IPO5: variants seen among roughly 807,000 people sequenced by gnomAD.
IPO5 encodes importin-5.
A neutral mutation model predicts 143.3 loss-of-function variants in IPO5; 18 were observed. The observed-to-expected ratio is 0.13, with a 90% CI of 0.09 to 0.19. The LOEUF (loss-of-function observed/expected upper bound fraction) is 0.19, where lower values mean the gene tolerates loss of function less well. Ranked by LOEUF, IPO5 falls within the 10% of genes least tolerant of loss-of-function variation. The pLI, the probability that IPO5 is intolerant of heterozygous loss-of-function variation, is 1.00. For synonymous variants in IPO5, 477 were observed against 465.7 expected (o/e 1.02, Z -0.31); for missense variants, 1,013 against 1,336.9 (o/e 0.76, Z 3.78).
At chr13:97,999,071 A>G (rs1411484231) in intron 12 of IPO5, among the ~76,000 whole-genome samples, 4 of 152,118 alleles carry the variant, frequency 2.6e-5, no homozygotes, top group Non-Finnish European at 4.4e-5. Context: ...TGAACCTGGG[A>G]GGTGGAGGTT....
At chr13:97,980,574 A>G (rs1361154908) in intron 4 of IPO5, among the ~76,000 whole-genome samples, 1 of 152,168 alleles carries the variant, frequency 6.6e-6, no homozygotes, top group African/African-American at 2.4e-5. Context: ...TCATGACTGT[A>G]ATCCCAGCAC....
In IPO5 at chr13:98,018,485, T is replaced by C; in HGVS notation, c.2617T>C (p.Cys873Arg). Residue 873 changes from cysteine to arginine, a missense_variant and splice_region_variant, in exon 26 of 29, where the codon TGT becomes CGT. Around this residue, in one of 2 missense-constraint regions of IPO5, gnomAD observed 685 missense variants for 994.9 expected, o/e 0.69. Transcript: ENST00000651721. Reference protein sequence around the residue: ...QLLPLIVNLICPHRPWPDRQW... With the variant: ...QLLPLIVNLIRPHRPWPDRQW... Reference sequence around the variant, plus strand: ...GCTTAAAAGAGAATTTCTTTTGTAGTGTCCACATAGACCATGGCCAGACAG... The same window carrying C: ...GCTTAAAAGAGAATTTCTTTTGTAGCGTCCACATAGACCATGGCCAGACAG... 6.2e-7 allele frequency: 1 copy of C among 1,608,878 alleles called. No individual in the cohort carries two copies. Among genetic ancestry groups the C allele is most frequent in the East Asian group, 2.2e-5 (1 of 44,864 alleles).
chr13:97,977,021 A>G, intron 4 of IPO5: 1 of 206,538 alleles, frequency 4.8e-6, no homozygotes, highest in Admixed American at 5.0e-5. Flanking sequence ...CGCCGCTCGC[A>G]CCCACGTGCG....
chr13:97,991,114 G>A (rs184392968), intron 9 of IPO5, among the ~76,000 whole-genome samples: 1 of 152,154 alleles, frequency 6.6e-6, no homozygotes, highest in East Asian at 1.9e-4. Flanking sequence ...TCCCAACCTT[G>A]TCAGACTCCA....
chr13:97,989,140 G>A lies in IPO5; in HGVS notation c.443G>A (p.Arg148Gln), dbSNP rs771250408. 8.1e-6 allele frequency: 13 copies of A among 1,611,004 alleles called. No homozygotes were observed. Among genetic ancestry groups the A allele is most frequent in the East Asian group, 2.2e-5 (1 of 44,870 alleles). ...GTCAGCTCTCAAAATGTGGGACTGC[G>A]GGAAGCTGCCCTTCACATTTTCTGG... is the stretch of plus-strand genomic sequence containing the variant. ...DSVSSQNVGL[R>Q]EAALHIFWNF... Residue 148 changes from arginine (R) to glutamine (Q), a missense_variant, in exon 7 of 29, where the codon CGG becomes CAG. This residue lies in a region of IPO5 where 328 missense variants were observed against 342.0 expected (regional missense o/e 0.96). Transcript: ENST00000651721.
intron 3 of IPO5, among the ~76,000 whole-genome samples, chr13:97,972,519 T>G (rs992339581): frequency 1.3e-5 from 2 of 152,224 alleles, no homozygotes. Flanking sequence ...AGAGAGACTT[T>G]GTTTTCTTTC....
intron 8 of IPO5, 67 bp downstream of exon 8, chr13:97,990,289 A>G: frequency 8.1e-7 from 1 of 1,228,876 alleles, no homozygotes. Flanking sequence ...AAATTAGTAT[A>G]TTAGGAGGTT....
intron 4 of IPO5, chr13:97,977,012 G>A: frequency 4.8e-6 from 1 of 206,370 alleles, no homozygotes; most frequent in Non-Finnish European, 1.0e-5. Context: ...CCTCCCCGCC[G>A]CCGCTCGCAC....
chr13:98,000,279 T>C (rs915981067), intron 12 of IPO5, among the ~76,000 whole-genome samples: 8 of 151,574 alleles, frequency 5.3e-5, no homozygotes, highest in African/African-American at 9.7e-5. Context: ...AGCGAGACTC[T>C]GTCTCAAAAA....
intron 4 of IPO5, among the ~76,000 whole-genome samples, chr13:97,980,950 AGATACTTTTTAAATGAAAACATACTACTG>A (rs1886790502): frequency 6.6e-6 from 1 of 152,078 alleles, no homozygotes; most frequent in Non-Finnish European, 1.5e-5. Context: ...TTGTATAGTG[AGATACTTTTTAAATGAAAACATACTACTG>A]GTATAAGGAG....
chr13:97,986,363 T>A (rs1481940691), intron 6 of IPO5, among the ~76,000 whole-genome samples: 2 of 151,890 alleles, frequency 1.3e-5, no homozygotes, highest in African/African-American at 4.8e-5. Flanking sequence ...TATATATATT[T>A]TTTTTTTTTG....
intron 2 of IPO5, among the ~76,000 whole-genome samples, chr13:97,966,971 G>A (rs1329183140): frequency 3.3e-5 from 5 of 152,096 alleles, no homozygotes; most frequent in African/African-American, 9.7e-5. Flanking sequence ...GGGAGGCGGA[G>A]GTTGCAGTGA....
At chr13:97,976,033 T>A in intron 3 of IPO5, 1 of 867,086 alleles carries the variant, frequency 1.2e-6, no homozygotes, top group Non-Finnish European at 1.4e-6. Context: ...ACTGCCTTCC[T>A]GGGGGTGGGT....
At chr13:97,980,008 A>G in intron 4 of IPO5, 1 of 455,080 alleles carries the variant, frequency 2.2e-6, no homozygotes, top group South Asian at 1.6e-5. Context: ...CTTCGTGGGC[A>G]GGGAAGAGGC....
intron 11 of IPO5, 119 bp from the exon 12 acceptor site, chr13:97,997,412 T>C: frequency 2.1e-6 from 1 of 476,712 alleles, no homozygotes; most frequent in Non-Finnish European, 3.7e-6. Context: ...CACAGACAAA[T>C]AATTGTTTTG....
chr13:97,985,235 C>G (rs1887226694), intron 5 of IPO5, among the ~76,000 whole-genome samples, 186 bp from the exon 6 acceptor site: 1 of 152,042 alleles, frequency 6.6e-6, no homozygotes, highest in Admixed American at 6.6e-5. Context: ...TTCTCCTCAC[C>G]TTAAGTACAA....
At chr13:98,014,011 AC>A (rs1266563727) in intron 21 of IPO5, 30 bp from the exon 22 acceptor site, 1 of 1,582,592 alleles carries the variant, frequency 6.3e-7, no homozygotes, top group East Asian at 2.3e-5. Context: ...AAAATAATAA[AC>A]AGTCTTTTGA....
chr13:98,022,173 G>A lies in IPO5; in HGVS notation c.*351G>A, dbSNP rs142088737. On this transcript the variant is annotated 3_prime_UTR_variant, in exon 29 of 29. Coordinates refer to ENST00000651721, the MANE Select transcript of IPO5 (RefSeq NM_002271.6). The stretch of plus-strand genomic sequence containing the variant: ...ACAGCTTTAAGAACAGTTACTCAGC[G>A]TAGATGTGTGTTCACACAAATTGCT... The A allele has an allele frequency of 6.0e-3, 1,027 of 170,026 alleles. 11 individuals carry two copies. Among genetic ancestry groups the A allele is most frequent in the African/African-American group, 0.022 (923 of 42,746 alleles). The allele number at this position is 170,026 out of a possible 1,614,324, so 10.5% of individuals were successfully genotyped here. A position where few individuals can be genotyped will look rare whatever the true frequency, so the allele number is the denominator to read the frequency against.
chr13:98,021,916 C>G lies in IPO5; in HGVS notation c.*94C>G, dbSNP rs74108124. On this transcript the variant is annotated 3_prime_UTR_variant, in exon 29 of 29. Coordinates refer to ENST00000651721, the MANE Select transcript of IPO5 (RefSeq NM_002271.6). Reference sequence around the variant, plus strand: ...TGTTTTGTTTTTGAGCAAAAGAGATCGGTAGTGTTGTGTGTAGGCCATTCT... The same window carrying G: ...TGTTTTGTTTTTGAGCAAAAGAGATGGGTAGTGTTGTGTGTAGGCCATTCT... The G allele has an allele frequency of 3.7e-6, 3 of 811,806 alleles. No homozygotes were observed. Among genetic ancestry groups the G allele is most frequent in the Middle Eastern group, 2.4e-4 (1 of 4,228 alleles). 50.3% of individuals were successfully genotyped at this position (811,806 alleles called of 1,614,324 possible).
Sources: gnomAD v4.1 joint callset for allele counts (sites outside exome capture counted in the v4.1 genomes callset) on GRCh38, gnomAD v4.1.1 for gene constraint, gnomAD v4.1.1 regional missense constraint, MANE v1.5 for transcripts, NCBI Gene and HGNC (gene_info 2026-07-23, HGNC 2026-07-21) for gene names.